RACGAP1: variants seen among roughly 807,000 people sequenced by gnomAD.
RACGAP1 encodes the protein rac GTPase-activating protein 1.
A neutral mutation model predicts 78.1 loss-of-function variants in RACGAP1; 30 were observed. The ratio of observed to expected loss-of-function variants is 0.38; its 90% CI spans 0.29 to 0.52. The LOEUF is 0.52. Among genes scored for constraint, RACGAP1 ranks in the 20% least tolerant of loss-of-function variants. RACGAP1 has a pLI of 0.82. For missense variants in RACGAP1, 587 were observed against 777.1 expected, an observed-to-expected ratio of 0.76 and a Z score of 2.91; for synonymous variants, 231 against 264.8, an observed-to-expected ratio of 0.87 and a Z score of 1.24.
intron 15 of RACGAP1, 30 bp from the exon 16 acceptor site, chr12:49,990,822 G>A: frequency 1.3e-6 from 2 of 1,568,014 alleles, no homozygotes; most frequent in Non-Finnish European, 1.8e-6. Flanking sequence ...TTTTAAGAGA[G>A]GTGGGAAAAA....
chr12:50,021,636 T>C (rs1423200979), intron 1 of RACGAP1, among the ~76,000 whole-genome samples: 2 of 152,196 alleles, frequency 1.3e-5, no homozygotes, highest in Non-Finnish European at 2.9e-5. Context: ...AAGAGACCTA[T>C]ATATCAGGTT....
At chr12:49,992,882 G>A (rs985862457) in intron 12 of RACGAP1, among the ~76,000 whole-genome samples, 3 of 152,250 alleles carry the variant, frequency 2.0e-5, no homozygotes, top group Non-Finnish European at 4.4e-5. Context: ...AGGGAAAGCA[G>A]TTGGCAACTG....
chr12:50,020,178 G>A (rs1252117766), intron 1 of RACGAP1, among the ~76,000 whole-genome samples: 1 of 152,090 alleles, frequency 6.6e-6, no homozygotes, highest in African/African-American at 2.4e-5. Context: ...TTCTTTAAGT[G>A]AATTTGACTT....
Position 49,996,668 on chromosome 12 carries a change from A to AAAAAAAAT in RACGAP1, c.1044+371_1044+372insATTTTTTT, listed in dbSNP as rs1948302735. 2.1e-4 allele frequency among the ~76,000 whole-genome samples: 27 copies of AAAAAAAAT among 129,330 alleles called. 1 individual carries two copies. Among genetic ancestry groups the AAAAAAAAT allele is most frequent in the African/African-American group, 8.7e-4 (23 of 26,422 alleles). The allele number at this position is 129,330 out of a possible 152,430, so 84.8% of individuals were successfully genotyped here. A position where few individuals can be genotyped will look rare whatever the true frequency, so the allele number is the denominator to read the frequency against. Reference sequence around the variant, plus strand: ...AAAAAAAAAAAAAAAAAAAAAAAAAATGGACACAAGTTAGTAATCATGGAA... The same window carrying AAAAAAAAT: ...AAAAAAAAAAAAAAAAAAAAAAAAAAAAAAAAATTGGACACAAGTTAGTAATCATGGAA... On this transcript the variant is annotated intron_variant, in intron 10 of 16. Transcript: ENST00000312377.
At chr12:50,003,784 C>T (rs1948820862) in intron 5 of RACGAP1, among the ~76,000 whole-genome samples, 1 of 152,196 alleles carries the variant, frequency 6.6e-6, no homozygotes, top group African/African-American at 2.4e-5. Context: ...ACTTTTCTGG[C>T]TGAAATCCCA....
chr12:50,000,392 T>C (rs181653920), intron 7 of RACGAP1, among the ~76,000 whole-genome samples: 1 of 152,022 alleles, frequency 6.6e-6, no homozygotes, highest in East Asian at 2.0e-4. Flanking sequence ...CCTCAGGTGA[T>C]CATCCACCTG....
Position 49,999,631 on chromosome 12 carries a change from T to C in RACGAP1, c.733A>G (p.Ser245Gly). The stretch of plus-strand genomic sequence containing the variant: ...TTCAATGGACCTGTTTTCCTTCGGC[T>C]CCTGGTCCAATATGGCACAGTCTCA... ...TIETVPYWTR[S>G]RRKTGTLQPW... Residue 245 changes from serine (S) to glycine (G), a missense_variant, in exon 8 of 17, where the codon AGC becomes GGC. Physicochemically the swap from Ser to Gly is moderately conservative, Grantham distance 56. Transcript: ENST00000312377. 1 of 1,613,782 alleles carries C rather than the reference T, an allele frequency of 6.2e-7. No individual in the cohort carries two copies. Among genetic ancestry groups the C allele is most frequent in the Non-Finnish European group, 8.5e-7 (1 of 1,179,630 alleles).
intron 6 of RACGAP1, 27 bp downstream of exon 6, chr12:50,002,218 TAA>T (rs749874326): frequency 5.0e-6 from 8 of 1,601,726 alleles, no homozygotes; most frequent in East Asian, 2.2e-5. Context: ...TACTTTGTTT[TAA>T]AAAAAGACTA....
At chr12:50,024,815 C>G (rs1950197653) in intron 1 of RACGAP1, among the ~76,000 whole-genome samples, 1 of 151,958 alleles carries the variant, frequency 6.6e-6, no homozygotes, top group Non-Finnish European at 1.5e-5. Flanking sequence ...CTTATCTACC[C>G]ACCTACCCCC....
upstream of RACGAP1, chr12:50,025,550 T>C (rs953832940): frequency 3.0e-6 from 3 of 985,260 alleles, no homozygotes; most frequent in Non-Finnish European, 3.6e-6. Flanking sequence ...CTCTACGGTG[T>C]GACGTACGCG....
intron 3 of RACGAP1, 51 bp downstream of exon 3, chr12:50,006,383 G>T: frequency 6.3e-7 from 1 of 1,591,352 alleles, no homozygotes; most frequent in Non-Finnish European, 8.6e-7. Flanking sequence ...GTCAGACAAT[G>T]CCTTCCCCCT....
chr12:49,990,324 A>G lies in RACGAP1; in HGVS notation c.1843T>C (p.Ser615Pro), dbSNP rs1947747161. ...CCTTGTCGTCCTAGGTTAGTGGCAG[A>G]CTTGCTTTTGCTCCCAAATCTACAA... Reference protein sequence around the residue: ...NTPRFGSKSKSATNLGRQGNF... With the variant: ...NTPRFGSKSKPATNLGRQGNF... The change falls in exon 17 of 17, where the codon TCT becomes CCT. Residue 615 changes from serine (S) to proline (P), a missense_variant. Coordinates refer to ENST00000312377, the MANE Select transcript of RACGAP1 (RefSeq NM_001319999.2). 1 of 1,613,760 alleles carries G rather than the reference A, an allele frequency of 6.2e-7. No individual in the cohort carries two copies. Among genetic ancestry groups the G allele is most frequent in the Non-Finnish European group, 8.5e-7 (1 of 1,179,642 alleles).
intron 10 of RACGAP1, among the ~76,000 whole-genome samples, chr12:49,996,694 G>A (rs959736260): frequency 8.1e-6 from 1 of 122,848 alleles, no homozygotes; most frequent in Non-Finnish European, 1.6e-5. Flanking sequence ...AATCATGGAA[G>A]TTAAGTGATA....
chr12:49,995,177 T>C (rs1592137294), intron 10 of RACGAP1, among the ~76,000 whole-genome samples: 1 of 151,978 alleles, frequency 6.6e-6, no homozygotes, highest in African/African-American at 2.4e-5. Context: ...GGAGAAACCC[T>C]GTCTCTACTA....
At chr12:49,996,628 TAAAAAAAAAAAAAAAAAA>T (rs57512055) in intron 10 of RACGAP1, among the ~76,000 whole-genome samples, 81 of 18,996 alleles carry the variant, frequency 4.3e-3, no homozygotes, top group African/African-American at 0.014. Flanking sequence ...GCAATAGAGC[TAAAAAAAAAAAAAAAAAA>T]AAAAAAAAAA....
intron 1 of RACGAP1, among the ~76,000 whole-genome samples, chr12:50,024,426 T>C (rs1257378958): frequency 6.6e-6 from 1 of 152,188 alleles, no homozygotes; most frequent in Admixed American, 6.5e-5. Context: ...AAATACCGCA[T>C]GTTCTCACTT....
In RACGAP1 at chr12:50,002,284, AAAG is replaced by A; in HGVS notation, c.509_511del (p.Ser170del). The A allele has an allele frequency of 6.2e-7, 1 of 1,613,656 alleles. No homozygotes were observed. Among genetic ancestry groups the A allele is most frequent in the Non-Finnish European group, 8.5e-7 (1 of 1,179,710 alleles). On this transcript the variant is annotated inframe_deletion, in exon 6 of 17. Coordinates refer to ENST00000312377, the MANE Select transcript of RACGAP1 (RefSeq NM_001319999.2). The stretch of plus-strand genomic sequence containing the variant: ...CTTCTTCAGTTTGAAAGTCTTCACC[AAAG>A]AAGAGTCCCAATCCTGTTGACAATT...
At chr12:49,992,194 A>T in intron 14 of RACGAP1, 51 bp downstream of exon 14, 1 of 1,612,360 alleles carries the variant, frequency 6.2e-7, no homozygotes, top group Non-Finnish European at 8.5e-7. Flanking sequence ...ACTGTCTTTC[A>T]AGTTATCACA....
chr12:50,023,460 A>G (rs546308229), intron 1 of RACGAP1, among the ~76,000 whole-genome samples: 1 of 152,348 alleles, frequency 6.6e-6, no homozygotes, highest in South Asian at 2.1e-4. Flanking sequence ...CAGGCCAGGC[A>G]TGGTGGCTGA....
Sources: allele counts gnomAD v4.1 joint callset (sites outside exome capture counted in the v4.1 genomes callset), GRCh38; gene constraint gnomAD v4.1.1; transcripts MANE v1.5; gene names NCBI Gene and HGNC (gene_info 2026-07-23, HGNC 2026-07-21).